TMEM132B: variants seen among roughly 807,000 people sequenced by gnomAD.
The protein encoded by TMEM132B is transmembrane protein 132B.
A neutral mutation model predicts 90.8 loss-of-function variants in TMEM132B; 18 were observed. That is an observed-to-expected ratio of 0.20 (90% CI 0.14 to 0.29). TMEM132B has a LOEUF of 0.29. Ranked by LOEUF, TMEM132B falls within the 10% of genes least tolerant of loss-of-function variation. TMEM132B has a pLI of 1.00. For synonymous variants in TMEM132B, 504 were observed against 523.3 expected (o/e 0.96, Z 0.50); for missense variants, 1,096 against 1,326.8 (o/e 0.83, Z 2.70).
At chr12:125,463,812 G>C (rs1314409561) in intron 3 of TMEM132B, among the ~76,000 whole-genome samples, 1 of 152,166 alleles carries the variant, frequency 6.6e-6, no homozygotes, top group Non-Finnish European at 1.5e-5. Flanking sequence ...TTGAGACTGG[G>C]TAATTTATAA....
At chr12:125,642,262 T>C (rs1392014223) in intron 5 of TMEM132B, among the ~76,000 whole-genome samples, 3 of 152,212 alleles carry the variant, frequency 2.0e-5, no homozygotes, top group Non-Finnish European at 4.4e-5. Context: ...CATTTTCTTC[T>C]CTGAATGGAG....
At chr12:125,265,506 G>A (rs771740365) in intron 1 of TMEM132B, among the ~76,000 whole-genome samples, 3 of 152,108 alleles carry the variant, frequency 2.0e-5, no homozygotes, top group African/African-American at 2.4e-5. Flanking sequence ...TTGACCATGG[G>A]TAACTGAAAC....
intron 8 of TMEM132B, among the ~76,000 whole-genome samples, chr12:125,652,869 T>C (rs904457762): frequency 3.9e-5 from 6 of 152,248 alleles, no homozygotes; most frequent in Non-Finnish European, 5.9e-5. Context: ...TGCTTTCCCC[T>C]GGGCTTATCT....
At chr12:125,648,196 T>G (rs896327658) in intron 6 of TMEM132B, among the ~76,000 whole-genome samples, 1 of 152,040 alleles carries the variant, frequency 6.6e-6, no homozygotes, top group Non-Finnish European at 1.5e-5. Flanking sequence ...GAATGATGGT[T>G]TCCAATTTCA....
At chr12:125,392,938 G>T (rs1879068009) in intron 2 of TMEM132B, among the ~76,000 whole-genome samples, 1 of 152,188 alleles carries the variant, frequency 6.6e-6, no homozygotes, top group Admixed American at 6.5e-5. Flanking sequence ...ACTGAGCCCT[G>T]GGGGCCCCGT....
At chr12:125,464,102 T>A (rs965993518) in intron 3 of TMEM132B, among the ~76,000 whole-genome samples, 7 of 152,146 alleles carry the variant, frequency 4.6e-5, no homozygotes, top group Non-Finnish European at 1.0e-4. Context: ...GATGAGATTT[T>A]GGTGGGGACA....
At chr12:125,630,369 G>C (rs527829991) in intron 5 of TMEM132B, among the ~76,000 whole-genome samples, 3 of 152,082 alleles carry the variant, frequency 2.0e-5, no homozygotes, top group Middle Eastern at 3.4e-3. Flanking sequence ...ATCATGGTGG[G>C]TTAAATGTGT....
At chr12:125,240,951 G>A (rs888085783) in intron 1 of TMEM132B, among the ~76,000 whole-genome samples, 1 of 152,218 alleles carries the variant, frequency 6.6e-6, no homozygotes, top group African/African-American at 2.4e-5. Context: ...GAACGGGTGG[G>A]CGTGAAAGTC....
chr12:125,512,369 A>G (rs1034403529), intron 3 of TMEM132B, among the ~76,000 whole-genome samples: 4 of 152,214 alleles, frequency 2.6e-5, no homozygotes, highest in African/African-American at 9.7e-5. Flanking sequence ...AGCTGATTCG[A>G]ATTTTGTAAA....
chr12:125,400,887 A>G (rs1398343902), intron 2 of TMEM132B, among the ~76,000 whole-genome samples: 1 of 152,174 alleles, frequency 6.6e-6, no homozygotes, highest in Non-Finnish European at 1.5e-5. Flanking sequence ...TGTGTCCCAA[A>G]CAGTATTGCC....
chr12:125,191,516 A>C (rs1872793123), intron 1 of TMEM132B, among the ~76,000 whole-genome samples: 2 of 152,112 alleles, frequency 1.3e-5, no homozygotes, highest in Admixed American at 1.3e-4. Context: ...CCTTGTGCGG[A>C]ATGGTGTGGC....
rs1874326161 is a variant in TMEM132B, at chr12:125,251,942, C to A, written c.67+65076C>A. Among the ~76,000 whole-genome samples, 1 of 152,190 alleles carries A rather than the reference C, an allele frequency of 6.6e-6. No homozygotes were observed. Among genetic ancestry groups the A allele is most frequent in the South Asian group, 2.1e-4 (1 of 4,838 alleles). On this transcript the variant is annotated intron_variant, in intron 1 of 8. Coordinates refer to ENST00000682704, the MANE Select transcript of TMEM132B (RefSeq NM_001366854.1). The surrounding 1 kb of genome is among the most constrained non-coding windows in gnomAD (Gnocchi z 4.4). Reference sequence around the variant, plus strand: ...TGGCCTGAAGGCCTTTATGCATGATCTGAAGTTATCTAGAATTTGGGAGCT... The same window carrying A: ...TGGCCTGAAGGCCTTTATGCATGATATGAAGTTATCTAGAATTTGGGAGCT...
intron 3 of TMEM132B, among the ~76,000 whole-genome samples, chr12:125,485,208 T>C (rs1316483097): frequency 6.6e-6 from 1 of 152,232 alleles, no homozygotes; most frequent in Non-Finnish European, 1.5e-5. Context: ...GTCTCTTGCT[T>C]GAGCAACTGA....
intron 4 of TMEM132B, among the ~76,000 whole-genome samples, chr12:125,547,193 T>G (rs149482000): frequency 6.6e-6 from 1 of 152,190 alleles, no homozygotes; most frequent in Non-Finnish European, 1.5e-5. Flanking sequence ...GGTAAACATA[T>G]GCTTAATTTT....
chr12:125,473,482 CA>C (rs1407442985), intron 3 of TMEM132B, among the ~76,000 whole-genome samples: 1 of 152,232 alleles, frequency 6.6e-6, no homozygotes, highest in Non-Finnish European at 1.5e-5. Flanking sequence ...CAGCAGCTAT[CA>C]AAGTGTGTGG....
rs912725968 is a variant in TMEM132B at position 125,630,073 on chromosome 12, G to C, written c.1438-14003G>C. ...TTGTTGAGGATTTTTGGATTAGTAT[G>C]CACCAGAGGTATTGGCCTGTAGTTT... On this transcript the variant is annotated intron_variant, in intron 5 of 8. Transcript: ENST00000682704. Among the ~76,000 whole-genome samples, 11 of 151,920 alleles carry C rather than the reference G, an allele frequency of 7.2e-5. 1 individual carries two copies. The South Asian group carries it at 1.9e-3, about 26-fold the overall frequency.
intron 3 of TMEM132B, among the ~76,000 whole-genome samples, chr12:125,421,284 C>T (rs777734135): frequency 6.6e-6 from 1 of 152,172 alleles, no homozygotes; most frequent in Non-Finnish European, 1.5e-5. Flanking sequence ...AAAGACATAC[C>T]TAAGACTGGG....
intron 1 of TMEM132B, among the ~76,000 whole-genome samples, chr12:125,237,333 T>A (rs985117897): frequency 6.6e-6 from 1 of 152,178 alleles, no homozygotes; most frequent in Non-Finnish European, 1.5e-5. Flanking sequence ...TGTTCTCACT[T>A]CAGACAGGCT....
intron 1 of TMEM132B, among the ~76,000 whole-genome samples, chr12:125,196,945 G>A (rs1222398027): frequency 6.6e-6 from 1 of 152,172 alleles, no homozygotes; most frequent in African/African-American, 2.4e-5. Context: ...CTTGTGGTCT[G>A]TCAGACTCAG....
Sources: allele counts gnomAD v4.1 joint callset (sites outside exome capture counted in the v4.1 genomes callset), GRCh38; gene constraint gnomAD v4.1.1; non-coding constraint Gnocchi (gnomAD v3.1); transcripts MANE v1.5; gene names NCBI Gene and HGNC (gene_info 2026-07-23, HGNC 2026-07-21).